The following LRPPRC variants were observed in gnomAD, a reference collection of about 807,000 sequenced individuals.
The protein encoded by LRPPRC is leucine-rich PPR motif-containing protein, mitochondrial.
LRPPRC carries 120 observed loss-of-function variants against 180.3 expected under a neutral mutation model. That is an observed-to-expected ratio of 0.67 (90% CI 0.57 to 0.77). The LOEUF is 0.77. Ranked by LOEUF, LRPPRC falls within the 30% of genes least tolerant of loss-of-function variation. The probability of loss-of-function intolerance (pLI) is 0.00; values close to 1 mark genes in which losing one functional copy is unlikely to be tolerated. For synonymous variants in LRPPRC, 723 were observed against 600.0 expected, an observed-to-expected ratio of 1.21 and a Z score of -3.00; for missense variants, 2,012 against 1,657.2, an observed-to-expected ratio of 1.21 and a Z score of -3.72.
intron 32 of LRPPRC, among the ~76,000 whole-genome samples, chr2:43,900,301 A>T (rs1187724023): frequency 6.6e-6 from 1 of 152,130 alleles, no homozygotes; most frequent in Non-Finnish European, 1.5e-5. Context: ...GGTAATCTAT[A>T]ATGGATACTT....
chr2:43,990,842 C>CTT (rs11443325), intron 1 of LRPPRC, among the ~76,000 whole-genome samples: 6,126 of 134,632 alleles, frequency 0.046, 224 homozygotes, highest in African/African-American at 0.096. Flanking sequence ...CCATCAGGTT[C>CTT]TTTTTTTTTT....
At chr2:43,941,145 T>A (rs1672466569) in intron 23 of LRPPRC, among the ~76,000 whole-genome samples, 1 of 152,216 alleles carries the variant, frequency 6.6e-6, no homozygotes, top group South Asian at 2.1e-4. Flanking sequence ...ATTTTTTCTA[T>A]ACCCATAAAG....
In LRPPRC at chr2:43,943,840, G is replaced by T. The variant is rs141384427; in HGVS notation, c.2351C>A (p.Thr784Lys). ...CATGTGGAAAAAGGACAAGGCTGTT[G>T]TATCTTTGATAAGAACATCCTTCTC... is the stretch of plus-strand genomic sequence containing the variant. ...MKEKDVLIKD[T>K]TALSFFHMLN... Residue 784 changes from threonine (T) to lysine (K), a missense_variant, in exon 23 of 38, where the codon ACA becomes AAA. Physicochemically the swap from Thr to Lys is moderately conservative, Grantham distance 78. Transcript: ENST00000260665. 8.7e-6 allele frequency: 14 copies of T among 1,613,206 alleles called. No individual in the cohort carries two copies. Among genetic ancestry groups the T allele is most frequent in the Non-Finnish European group, 1.1e-5 (13 of 1,179,318 alleles).
At chr2:43,923,687 A>G (rs1226959184) in intron 27 of LRPPRC, among the ~76,000 whole-genome samples, 1 of 150,496 alleles carries the variant, frequency 6.6e-6, no homozygotes, top group Non-Finnish European at 1.5e-5. Flanking sequence ...TCTAGCACAC[A>G]GTAAGGGCTT....
At position 43,918,324 on chromosome 2, in the gene LRPPRC, T is replaced by C. The variant is rs1490848720; in HGVS notation, c.2971A>G (p.Lys991Glu). 1 of 1,610,590 alleles carries C rather than the reference T, an allele frequency of 6.2e-7. No individual in the cohort carries two copies. Among genetic ancestry groups the C allele is most frequent in the Non-Finnish European group, 8.5e-7 (1 of 1,176,798 alleles). ...IQEENVIPREKTLRLLAEILR... is the reference protein window; with the variant it reads ...IQEENVIPREETLRLLAEILR... ...ATTTCTGCTAATAATCTTAATGTCT[T>C]TTCACGAGGAATAACATTTTCTTCT... Residue 991 changes from lysine (K) to glutamate (E), a missense_variant, in exon 28 of 38, where the codon AAG becomes GAG. Physicochemically the swap from Lys to Glu is moderately conservative, Grantham distance 56. Coordinates refer to ENST00000260665, the MANE Select transcript of LRPPRC (RefSeq NM_133259.4).
chr2:43,950,044 G>C (rs923428399), intron 15 of LRPPRC, among the ~76,000 whole-genome samples: 4 of 152,042 alleles, frequency 2.6e-5, no homozygotes, highest in African/African-American at 9.7e-5. Flanking sequence ...ACACTGAACT[G>C]GTTTCCTCAT....
chr2:43,908,940 C>A (rs1247409894), intron 30 of LRPPRC, among the ~76,000 whole-genome samples: 1 of 152,188 alleles, frequency 6.6e-6, no homozygotes, highest in East Asian at 1.9e-4. Context: ...TAGGGCGGTA[C>A]CGCCACTTGC....
At chr2:43,925,983 T>TA (rs1558951280) in intron 25 of LRPPRC, 22 bp from the exon 26 acceptor site, 1 of 1,430,006 alleles carries the variant, frequency 7.0e-7, no homozygotes, top group Admixed American at 1.7e-5. Flanking sequence ...AATAATCACA[T>TA]AGCACCCAAG....
At chr2:43,943,216 GC>G (rs1040855044) in intron 23 of LRPPRC, among the ~76,000 whole-genome samples, 29 of 151,910 alleles carry the variant, frequency 1.9e-4, no homozygotes, top group African/African-American at 6.0e-4. Context: ...AGTAAATCTT[GC>G]CCTATCAGTA....
chr2:43,935,899 G>A (rs984623700), intron 23 of LRPPRC, among the ~76,000 whole-genome samples: 1 of 152,052 alleles, frequency 6.6e-6, no homozygotes, highest in Admixed American at 6.5e-5. Flanking sequence ...GATCACCTGA[G>A]GTGGAGAAAC....
At chr2:43,980,468 G>T (rs1432146888) in intron 2 of LRPPRC, among the ~76,000 whole-genome samples, 2 of 150,062 alleles carry the variant, frequency 1.3e-5, no homozygotes, top group South Asian at 4.2e-4. Flanking sequence ...CAGGAGAACT[G>T]CTTGAACCCA....
At chr2:43,919,820 T>C (rs981628759) in intron 27 of LRPPRC, among the ~76,000 whole-genome samples, 4 of 152,032 alleles carry the variant, frequency 2.6e-5, no homozygotes, top group African/African-American at 9.7e-5. Context: ...TGCTAGTATG[T>C]ATAAGAAATA....
At chr2:43,995,138 G>A (rs1415821633) in intron 1 of LRPPRC, among the ~76,000 whole-genome samples, 2 of 152,180 alleles carry the variant, frequency 1.3e-5, no homozygotes, top group Non-Finnish European at 2.9e-5. Context: ...CTACTCGGGA[G>A]GCTGAGGCAG....
At chr2:43,905,230 CA>C (rs1671030279) in intron 31 of LRPPRC, among the ~76,000 whole-genome samples, 1 of 152,114 alleles carries the variant, frequency 6.6e-6, no homozygotes, top group African/African-American at 2.4e-5. Context: ...TGCACAATCC[CA>C]CACATTTAAC....
chr2:43,991,173 G>A (rs1337133099), intron 1 of LRPPRC, among the ~76,000 whole-genome samples: 2 of 151,944 alleles, frequency 1.3e-5, no homozygotes, highest in Non-Finnish European at 2.9e-5. Flanking sequence ...GGGACTACAG[G>A]CGCCCGCCAC....
At position 43,960,526 on chromosome 2, in the gene LRPPRC, A is replaced by T; in HGVS notation, c.1582+15T>A. ...TAAACATCTATCAAGTTTACCGCTA[A>T]TGTTGTATACTTACAAAATGATAAT... is the stretch of plus-strand genomic sequence containing the variant. On this transcript the variant is annotated intron_variant, in intron 13 of 37. Coordinates refer to ENST00000260665, the MANE Select transcript of LRPPRC (RefSeq NM_133259.4). The T allele has an allele frequency of 7.5e-7, 1 of 1,337,254 alleles. No homozygotes were observed. The highest frequency in any genetic ancestry group is 1.1e-6 in the Non-Finnish European group (1 of 929,370). 82.8% of individuals were successfully genotyped at this position (1,337,254 alleles called of 1,614,324 possible).
At chr2:43,907,867 T>G (rs1042437843) in intron 30 of LRPPRC, among the ~76,000 whole-genome samples, 1 of 152,152 alleles carries the variant, frequency 6.6e-6, no homozygotes, top group Non-Finnish European at 1.5e-5. Context: ...GCCTTTCAAA[T>G]TTAGGAGAAG....
chr2:43,986,650 G>C (rs747481451), intron 1 of LRPPRC, among the ~76,000 whole-genome samples: 18 of 152,162 alleles, frequency 1.2e-4, no homozygotes, highest in Non-Finnish European at 2.4e-4. Flanking sequence ...CTTGCCCAAA[G>C]TCATCACAGT....
intron 34 of LRPPRC, among the ~76,000 whole-genome samples, chr2:43,898,609 C>T (rs1232856700): frequency 1.3e-5 from 2 of 152,148 alleles, no homozygotes; most frequent in African/African-American, 2.4e-5. Flanking sequence ...GGCATGAATG[C>T]AGTTGTCTCC....
Sources: allele counts gnomAD v4.1 joint callset (sites outside exome capture counted in the v4.1 genomes callset), GRCh38; gene constraint gnomAD v4.1.1; transcripts MANE v1.5; gene names NCBI Gene and HGNC (gene_info 2026-07-23, HGNC 2026-07-21).